Variants in NFIA observed in about 807,000 individuals in gnomAD.
NFIA encodes nuclear factor I A, also known as nuclear factor 1 A-type.
NFIA carries 8 observed loss-of-function variants against 62.8 expected under a neutral mutation model. The observed-to-expected ratio is 0.13, with a 90% confidence interval of 0.07 to 0.23. The LOEUF (loss-of-function observed/expected upper bound fraction) is 0.23, where lower values mean the gene tolerates loss of function less well. Among genes scored for constraint, NFIA ranks in the 10% least tolerant of loss-of-function variants. The pLI, the probability that NFIA is intolerant of heterozygous loss-of-function variation, is 1.00. For synonymous variants in NFIA, 235 were observed against 238.1 expected (o/e 0.99, Z 0.12); for missense variants, 410 against 642.1 (o/e 0.64, Z 3.91).
intron 6 of NFIA, among the ~76,000 whole-genome samples, chr1:61,370,116 C>T (rs1663808792): frequency 1.3e-5 from 2 of 152,210 alleles, no homozygotes; most frequent in South Asian, 4.1e-4. Context: ...ATAGTGTGTG[C>T]AGCACGCTGC....
At chr1:61,114,049 C>T (rs1341875796) in intron 2 of NFIA, among the ~76,000 whole-genome samples, 1 of 152,106 alleles carries the variant, frequency 6.6e-6, no homozygotes, top group African/African-American at 2.4e-5. Flanking sequence ...AGCTTTGTCT[C>T]GGCACAAAAT....
intron 2 of NFIA, among the ~76,000 whole-genome samples, chr1:61,140,506 T>C (rs1029044407): frequency 4.6e-5 from 7 of 152,104 alleles, no homozygotes; most frequent in African/African-American, 1.7e-4. Flanking sequence ...TGAGAAATTA[T>C]CATGTTTTCT....
At chr1:61,343,280 A>G (rs1028188690) in intron 4 of NFIA, among the ~76,000 whole-genome samples, 5 of 152,258 alleles carry the variant, frequency 3.3e-5, no homozygotes, top group Non-Finnish European at 7.3e-5. Flanking sequence ...TATCTGTCAA[A>G]GATAAAGTAT....
At chr1:61,264,219 A>G (rs1656986845) in intron 2 of NFIA, among the ~76,000 whole-genome samples, 1 of 152,182 alleles carries the variant, frequency 6.6e-6, no homozygotes, top group South Asian at 2.1e-4. Context: ...AATCAGAGTA[A>G]AAGTTCCAAT....
chr1:61,446,377 G>A (rs1215625403), intron 10 of NFIA, among the ~76,000 whole-genome samples: 1 of 152,168 alleles, frequency 6.6e-6, no homozygotes, highest in Non-Finnish European at 1.5e-5. Flanking sequence ...CTTAGGGACT[G>A]TTGGTCTGCA....
chr1:61,121,022 T>G (rs2100470099), intron 2 of NFIA, among the ~76,000 whole-genome samples: 1 of 152,356 alleles, frequency 6.6e-6, no homozygotes, highest in African/African-American at 2.4e-5. Context: ...ATAAAAGTAT[T>G]AGCATTGTAA....
intron 2 of NFIA, chr1:61,132,740 G>T (rs1224099278): frequency 6.6e-6 from 1 of 152,192 alleles, no homozygotes; most frequent in Admixed American, 6.5e-5. Context: ...AGATATACAT[G>T]TTAAAAACTT....
chr1:61,196,694 A>G (rs1026281104), intron 2 of NFIA, among the ~76,000 whole-genome samples: 1 of 152,174 alleles, frequency 6.6e-6, no homozygotes, highest in Non-Finnish European at 1.5e-5. Flanking sequence ...TGTAAATTCT[A>G]GTATCTGTAT....
chr1:61,315,944 T>G lies in NFIA; in HGVS notation c.626-16568T>G, dbSNP rs144977230. 3.6e-4 allele frequency among the ~76,000 whole-genome samples: 55 copies of G among 152,314 alleles called. No homozygotes were observed. The East Asian group carries it at 0.01, about 29-fold the overall frequency. On this transcript the variant is annotated intron_variant, in intron 3 of 10. Transcript: ENST00000403491. Reference sequence around the variant, plus strand: ...ATGCTGTCGTGAACAAATAAGATGCTGTCTGAATGTTCCTGAGAGCTTTAG... The same window carrying G: ...ATGCTGTCGTGAACAAATAAGATGCGGTCTGAATGTTCCTGAGAGCTTTAG...
At chr1:61,430,260 CTCTGCATACA>C (rs1161956658) in intron 10 of NFIA, among the ~76,000 whole-genome samples, 1 of 152,266 alleles carries the variant, frequency 6.6e-6, no homozygotes, top group East Asian at 1.9e-4. Context: ...ATAGTGGGTA[CTCTGCATACA>C]TTGGCTGAGT....
At chr1:61,254,784 A>G (rs917116098) in intron 2 of NFIA, among the ~76,000 whole-genome samples, 1 of 152,226 alleles carries the variant, frequency 6.6e-6, no homozygotes, top group Non-Finnish European at 1.5e-5. Context: ...AGTCATGTGG[A>G]CACACCCTTC....
At chr1:61,276,501 T>G (rs1333613210) in intron 2 of NFIA, among the ~76,000 whole-genome samples, 3 of 152,226 alleles carry the variant, frequency 2.0e-5, no homozygotes, top group African/African-American at 7.2e-5. Flanking sequence ...ATGCAAGCTC[T>G]CCGCAGATAC....
At chr1:61,448,370 T>C (rs1174820898) in intron 10 of NFIA, among the ~76,000 whole-genome samples, 1 of 152,226 alleles carries the variant, frequency 6.6e-6, no homozygotes, top group Non-Finnish European at 1.5e-5. Context: ...CTGCTACTTT[T>C]AACTAAGAAA....
At chr1:61,352,792 C>G (rs1662625004) in intron 5 of NFIA, among the ~76,000 whole-genome samples, 1 of 151,762 alleles carries the variant, frequency 6.6e-6, no homozygotes, top group Admixed American at 6.6e-5. Context: ...CACGCACACA[C>G]ACTAAAAAAC....
chr1:61,233,148 A>G (rs1394074608), intron 2 of NFIA, among the ~76,000 whole-genome samples: 2 of 152,176 alleles, frequency 1.3e-5, no homozygotes, highest in South Asian at 4.2e-4. Flanking sequence ...TTCAGTACCT[A>G]CTATATTCTT....
chr1:61,179,042 C>G (rs754911417), intron 2 of NFIA, among the ~76,000 whole-genome samples: 17 of 152,186 alleles, frequency 1.1e-4, no homozygotes, highest in Non-Finnish European at 2.4e-4. Context: ...AGTCCCCTGC[C>G]CTTTCAGCCT....
chr1:61,348,380 A>G lies in NFIA; in HGVS notation c.701-4070A>G, dbSNP rs1184127430. 3.3e-5 allele frequency among the ~76,000 whole-genome samples: 5 copies of G among 152,352 alleles called. No individual in the cohort carries two copies. The East Asian group carries it at 7.7e-4, about 23-fold the overall frequency. On this transcript the variant is annotated intron_variant, in intron 4 of 10. Coordinates refer to ENST00000403491, the MANE Select transcript of NFIA (RefSeq NM_001134673.4). ...AAACCCATTCTCATTTCAGAAACTT[A>G]GTGATGTTTTAAAATTCAAGACACA... is the stretch of plus-strand genomic sequence containing the variant.
rs75582116 is a variant in NFIA at position 61,339,767 on chromosome 1, C to T, written c.700+7181C>T. On this transcript the variant is annotated intron_variant, in intron 4 of 10. Transcript: ENST00000403491. Reference sequence around the variant, plus strand: ...CTACGCTTTCTTCTGAATCCTAGCTCACAGTATGGGTGGCCAAGCTTGATT... The same window carrying T: ...CTACGCTTTCTTCTGAATCCTAGCTTACAGTATGGGTGGCCAAGCTTGATT... Among the ~76,000 whole-genome samples the T allele has an allele frequency of 4.3e-3, 574 of 133,804 alleles. 3 individuals carry two copies. Among genetic ancestry groups the T allele is most frequent in the African/African-American group, 0.015 (547 of 36,924 alleles). 87.8% of individuals were successfully genotyped at this position (133,804 alleles called of 152,430 possible). A position where few individuals can be genotyped will look rare whatever the true frequency, so the allele number is the denominator to read the frequency against.
Position 61,096,678 on chromosome 1 carries a change from G to A in NFIA, c.559+7998G>A, listed in dbSNP as rs551113159. Among the ~76,000 whole-genome samples, 81 of 148,980 alleles carry A rather than the reference G, an allele frequency of 5.4e-4. No homozygotes were observed. In the East Asian group the frequency reaches 0.015, roughly 28 times the overall value. ...AACAATTCTCCTGCCTCAGTCTCCTGAGTAGCTGGGATTACAGGCTCCCAC... is the reference window on the plus strand; with the variant it reads ...AACAATTCTCCTGCCTCAGTCTCCTAAGTAGCTGGGATTACAGGCTCCCAC... On this transcript the variant is annotated intron_variant, in intron 2 of 10. Transcript: ENST00000403491.
Sources: allele counts gnomAD v4.1 joint callset (sites outside exome capture counted in the v4.1 genomes callset), GRCh38; gene constraint gnomAD v4.1.1; transcripts MANE v1.5; gene names NCBI Gene and HGNC (gene_info 2026-07-23, HGNC 2026-07-21).